Variants in ZPBP observed in about 807,000 individuals in gnomAD.
ZPBP encodes zona pellucida binding protein.
In ZPBP, 26 loss-of-function variants were observed where a neutral mutation model predicts 44.8. The observed-to-expected ratio is 0.58, with a 90% CI of 0.43 to 0.81. ZPBP has a LOEUF of 0.81. Ranked by LOEUF, ZPBP falls within the 30% of genes least tolerant of loss-of-function variation. The probability of loss-of-function intolerance (pLI) is 0.00; values close to 1 mark genes in which losing one functional copy is unlikely to be tolerated. For synonymous variants in ZPBP, 174 were observed against 153.2 expected, an observed-to-expected ratio of 1.14 and a Z score of -1.00; for missense variants, 409 against 434.0, an observed-to-expected ratio of 0.94 and a Z score of 0.51.
At chr7:49,908,864 C>A (rs561114412) in intron 1 of ZPBP, among the ~76,000 whole-genome samples, 1 of 152,272 alleles carries the variant, frequency 6.6e-6, no homozygotes, top group Non-Finnish European at 1.5e-5. Flanking sequence ...AGAATAAAGA[C>A]TTCAATGTGT....
At chr7:49,920,483 A>G (rs1473807733) in intron 1 of ZPBP, 1 of 152,210 alleles carries the variant, frequency 6.6e-6, no homozygotes, top group African/African-American at 2.4e-5. Flanking sequence ...AACAAAAGAC[A>G]AGAGAAGCAC....
chr7:49,874,548 ATGTG>A (rs3062201), intron 2 of ZPBP, among the ~76,000 whole-genome samples: 68 of 147,572 alleles, frequency 4.6e-4, no homozygotes, highest in East Asian at 2.4e-3. Flanking sequence ...ATGACTATAT[ATGTG>A]TGTGTGTGTG....
chr7:49,914,387 A>C (rs1341452940), intron 1 of ZPBP: 1 of 152,212 alleles, frequency 6.6e-6, no homozygotes, highest in African/African-American at 2.4e-5. Context: ...CATCTTGGGA[A>C]GTTAACTGAC....
intron 1 of ZPBP, chr7:49,901,333 A>G (rs1731895707): frequency 6.6e-6 from 1 of 151,874 alleles, no homozygotes; most frequent in African/African-American, 2.4e-5. Context: ...CAATCAAGAA[A>G]AAAAACTTCA....
In ZPBP at chr7:50,093,217, C is replaced by T. The variant is rs1348072677; in HGVS notation, c.-23G>A. The stretch of plus-strand genomic sequence containing the variant: ...CATCCACACGCCGCCGTCGCCTGCC[C>T]ACCGTCCGCGCGGAAGGTCGTTAGG... On this transcript the variant is annotated 5_prime_UTR_variant, in exon 1 of 8. Coordinates refer to ENST00000046087, the MANE Select transcript of ZPBP (RefSeq NM_007009.3). The T allele has an allele frequency of 6.6e-7, 1 of 1,505,310 alleles. No homozygotes were observed. The highest frequency in any genetic ancestry group is 1.3e-5 in the South Asian group (1 of 79,238). 93.2% of individuals were successfully genotyped at this position (1,505,310 alleles called of 1,614,324 possible).
intron 2 of ZPBP, among the ~76,000 whole-genome samples, chr7:49,897,144 C>T (rs553293609): frequency 2.6e-5 from 4 of 152,152 alleles, no homozygotes; most frequent in South Asian, 4.2e-4. Context: ...ATCCACCCGC[C>T]TCGGCCTCCC....
intron 1 of ZPBP, chr7:49,915,477 C>T (rs1351689): frequency 1.3e-5 from 2 of 151,634 alleles, no homozygotes; most frequent in African/African-American, 2.4e-5. Context: ...TTTCTTCCCT[C>T]GTTCTCCAAC....
intron 6 of ZPBP, among the ~76,000 whole-genome samples, chr7:49,991,914 A>G (rs1797592079): frequency 6.6e-6 from 1 of 152,056 alleles, no homozygotes; most frequent in South Asian, 2.1e-4. Flanking sequence ...AAGGGAAGAA[A>G]GAGAGGGAAA....
At chr7:49,987,292 G>T (rs1424876782) in intron 6 of ZPBP, among the ~76,000 whole-genome samples, 2 of 152,104 alleles carry the variant, frequency 1.3e-5, no homozygotes, top group African/African-American at 2.4e-5. Flanking sequence ...TATTTAAAAG[G>T]CCTTTATGTT....
chr7:49,938,569 A>G (rs879188815), intron 7 of ZPBP, among the ~76,000 whole-genome samples: 6 of 151,866 alleles, frequency 4.0e-5, no homozygotes, highest in Admixed American at 2.7e-4. Context: ...CACACAGTGT[A>G]TCATAGGCAC....
chr7:50,066,900 G>T (rs1801532157), intron 3 of ZPBP, among the ~76,000 whole-genome samples: 1 of 152,096 alleles, frequency 6.6e-6, no homozygotes, highest in Non-Finnish European at 1.5e-5. Context: ...GGGTCTTGTT[G>T]GCTAATCCAC....
chr7:49,901,763 C>G (rs1792742475), intron 1 of ZPBP, among the ~76,000 whole-genome samples: 1 of 148,506 alleles, frequency 6.7e-6, no homozygotes, highest in South Asian at 2.1e-4. Flanking sequence ...CGTAGCTGAA[C>G]TTAATATAAA....
intron 7 of ZPBP, among the ~76,000 whole-genome samples, chr7:49,938,942 A>G (rs577880207): frequency 3.2e-4 from 49 of 152,314 alleles, no homozygotes; most frequent in African/African-American, 1.1e-3. Flanking sequence ...TTTAGAGGAA[A>G]TATTTGCCAT....
At chr7:49,989,827 G>T (rs1261803041) in intron 6 of ZPBP, among the ~76,000 whole-genome samples, 1 of 152,054 alleles carries the variant, frequency 6.6e-6, no homozygotes, top group Non-Finnish European at 1.5e-5. Context: ...GAATAAATAG[G>T]GTGCCCATTA....
chr7:49,926,610 C>T (rs984380993), intron 1 of ZPBP, among the ~76,000 whole-genome samples: 1 of 152,310 alleles, frequency 6.6e-6, no homozygotes, highest in African/African-American at 2.4e-5. Context: ...GTGAATGAAT[C>T]GCAGAGACCC....
intron 7 of ZPBP, 70 bp from the exon 8 acceptor site, chr7:49,937,692 T>C: frequency 8.1e-7 from 1 of 1,227,108 alleles, no homozygotes; most frequent in Non-Finnish European, 1.2e-6. Flanking sequence ...CCAATCTCAA[T>C]TCTTTTAAGT....
rs555435075 is a variant in ZPBP, at chr7:50,066,301, G to A, written c.335-8160C>T. 2.3e-4 allele frequency among the ~76,000 whole-genome samples: 34 copies of A among 149,594 alleles called. 2 individuals carry two copies. Among genetic ancestry groups the A allele is most frequent in the African/African-American group, 7.5e-4 (30 of 40,256 alleles). Reference sequence around the variant, plus strand: ...CTGATTTAATATGTGTTTTAAACCAGAATTTATAGGTTAAGAGCTTAGGGT... The same window carrying A: ...CTGATTTAATATGTGTTTTAAACCAAAATTTATAGGTTAAGAGCTTAGGGT... On this transcript the variant is annotated intron_variant, in intron 3 of 7. Transcript: ENST00000046087.
chr7:49,967,164 A>G (rs577059095), intron 7 of ZPBP, among the ~76,000 whole-genome samples: 1 of 152,298 alleles, frequency 6.6e-6, no homozygotes, highest in East Asian at 1.9e-4. Flanking sequence ...CAGAGGGCAG[A>G]GCTTCTCCAG....
At chr7:50,049,547 C>T (rs557348268) in intron 4 of ZPBP, among the ~76,000 whole-genome samples, 5 of 151,156 alleles carry the variant, frequency 3.3e-5, no homozygotes, top group South Asian at 2.1e-4. Flanking sequence ...TAATGAAGTA[C>T]GAAATAAAAA....
Sources: allele counts gnomAD v4.1 joint callset (sites outside exome capture counted in the v4.1 genomes callset), GRCh38; gene constraint gnomAD v4.1.1; transcripts MANE v1.5; gene names NCBI Gene and HGNC (gene_info 2026-07-23, HGNC 2026-07-21).